DNAH3: variants seen among roughly 807,000 people sequenced by gnomAD.
The protein encoded by DNAH3 is dynein axonemal heavy chain 3.
A neutral mutation model predicts 432.5 loss-of-function variants in DNAH3; 332 were observed. The observed-to-expected ratio is 0.77, with a 90% confidence interval of 0.70 to 0.84. DNAH3 has a LOEUF of 0.84. DNAH3 is among the 40% of genes least tolerant of loss of function. DNAH3 has a pLI of 0.00. For missense variants in DNAH3, 4,861 were observed against 5,114.0 expected, an observed-to-expected ratio of 0.95 and a Z score of 1.51; for synonymous variants, 1,956 against 1,900.2, an observed-to-expected ratio of 1.03 and a Z score of -0.76.
At chr16:20,961,340 T>C (rs2084807378) in intron 53 of DNAH3, among the ~76,000 whole-genome samples, 3 of 151,992 alleles carry the variant, frequency 2.0e-5, no homozygotes, top group African/African-American at 7.3e-5. Context: ...CACCAGGGCC[T>C]GTCGTGGGGT....
chr16:20,994,824 A>G (rs540478533), intron 44 of DNAH3, among the ~76,000 whole-genome samples: 1 of 152,242 alleles, frequency 6.6e-6, no homozygotes, highest in South Asian at 2.1e-4. Flanking sequence ...TTTAAGTTTC[A>G]TCCATGTTGT....
chr16:20,992,446 C>T (rs1308341938), intron 44 of DNAH3, among the ~76,000 whole-genome samples: 2 of 152,126 alleles, frequency 1.3e-5, no homozygotes, highest in Admixed American at 6.5e-5. Flanking sequence ...CCCGGGTTCA[C>T]GCCATTCTCC....
exon 53 of DNAH3, chr16:20,964,381 A>T (rs750352856): frequency 2.5e-6 from 4 of 1,614,148 alleles, no homozygotes; most frequent in Non-Finnish European, 3.4e-6. Context: ...GTATAACTTA[A>T]AATCCCTGGA....
At chr16:21,015,637 G>A (rs902502895) in intron 41 of DNAH3, among the ~76,000 whole-genome samples, 3 of 152,134 alleles carry the variant, frequency 2.0e-5, no homozygotes, top group Non-Finnish European at 2.9e-5. Flanking sequence ...TGAAAGAACT[G>A]TGTTTGTGTG....
At chr16:21,010,725 G>A (rs927882042) in intron 41 of DNAH3, among the ~76,000 whole-genome samples, 3 of 152,028 alleles carry the variant, frequency 2.0e-5, no homozygotes, top group Admixed American at 6.6e-5. Context: ...TCATGGACAG[G>A]CTAGAAAGGC....
intron 1 of DNAH3, 137 bp from the exon 3 acceptor site, chr16:21,146,225 A>C: frequency 1.7e-6 from 1 of 603,942 alleles, no homozygotes; most frequent in African/African-American, 1.9e-5. Context: ...CACTCCTCTC[A>C]TTCCCATCCA....
At chr16:21,089,752 TTAAG>T (rs1254473169) in intron 18 of DNAH3, among the ~76,000 whole-genome samples, 1 of 151,890 alleles carries the variant, frequency 6.6e-6, no homozygotes, top group South Asian at 2.1e-4. Context: ...AGTTTCTACC[TTAAG>T]TAACTAGAAA....
exon 21 of DNAH3, chr16:21,075,537 G>C: frequency 6.2e-7 from 1 of 1,613,838 alleles, no homozygotes; most frequent in South Asian, 1.1e-5. Flanking sequence ...ATTCCTTGCT[G>C]GCAGCTGCAC....
At chr16:21,059,775 C>CA (rs1180684922) in intron 26 of DNAH3, among the ~76,000 whole-genome samples, 3,420 of 95,228 alleles carry the variant, frequency 0.036, 112 homozygotes, top group African/African-American at 0.1. Flanking sequence ...GACTCCATCT[C>CA]AAAAAAAAAA....
intron 5 of DNAH3, among the ~76,000 whole-genome samples, chr16:21,138,351 C>A (rs1324469653): frequency 2.0e-5 from 3 of 152,090 alleles, no homozygotes; most frequent in African/African-American, 7.2e-5. Context: ...GGGAGTATTG[C>A]AAAGCTTTTC....
chr16:21,081,600 C>A (rs377450728), intron 20 of DNAH3, 36 bp downstream of exon 20: 4 of 1,570,846 alleles, frequency 2.5e-6, no homozygotes, highest in Non-Finnish European at 3.5e-6. Context: ...GATCCTTTGA[C>A]CAAAACCTTA....
intron 19 of DNAH3, among the ~76,000 whole-genome samples, chr16:21,084,506 G>A (rs1332265426): frequency 6.6e-6 from 1 of 152,150 alleles, no homozygotes; most frequent in South Asian, 2.1e-4. Flanking sequence ...TGTATTTCTT[G>A]ATGGGGTTTT....
intron 12 of DNAH3, among the ~76,000 whole-genome samples, chr16:21,114,145 G>C (rs1245364072): frequency 6.6e-6 from 1 of 152,172 alleles, no homozygotes; most frequent in African/African-American, 2.4e-5. Flanking sequence ...AAAATAGCTT[G>C]ATATTTTCCA....
chr16:21,127,709 C>T (rs951669992), exon 8 of DNAH3: 3 of 1,614,020 alleles, frequency 1.9e-6, no homozygotes, highest in Non-Finnish European at 2.5e-6. Flanking sequence ...GTCTGGTGTG[C>T]CTCCAGGCAG....
intron 36 of DNAH3, 74 bp downstream of exon 36, chr16:21,033,900 G>A: frequency 9.9e-7 from 1 of 1,008,022 alleles, no homozygotes; most frequent in Non-Finnish European, 1.5e-6. Flanking sequence ...TAGCAGCCTG[G>A]CATTATCTCC....
chr16:20,997,307 CG>C lies in DNAH3; in HGVS notation c.6576del (p.Gly2194GlufsTer14). On this transcript the variant is annotated frameshift_variant, in exon 44 of 62. Transcript: ENST00000261383. LOFTEE classifies it high-confidence loss of function. ...CCAGTAATGTCATTCCTTCCTCCCC[CG>C]GGGGGCCCCATGGCTGTCACGAGCA... is the stretch of plus-strand genomic sequence containing the variant. 1 of 1,614,056 alleles carries C rather than the reference CG, an allele frequency of 6.2e-7. No individual in the cohort carries two copies.
intron 3 of DNAH3, among the ~76,000 whole-genome samples, chr16:21,143,549 T>C (rs1263891455): frequency 6.6e-6 from 1 of 152,210 alleles, no homozygotes; most frequent in African/African-American, 2.4e-5. Flanking sequence ...TTTATGATTC[T>C]TTGTTATAGC....
At chr16:20,951,799 G>A (rs1403373457) in intron 56 of DNAH3, among the ~76,000 whole-genome samples, 3 of 142,046 alleles carry the variant, frequency 2.1e-5, no homozygotes, top group Admixed American at 7.3e-5. Context: ...AGAATGCAGT[G>A]GCGCAATTTC....
chr16:21,004,641 T>G (rs2087190541), intron 41 of DNAH3, among the ~76,000 whole-genome samples: 1 of 152,196 alleles, frequency 6.6e-6, no homozygotes, highest in African/African-American at 2.4e-5. Flanking sequence ...GTGCTAGGAT[T>G]ACAGGTGTGA....
Sources: gnomAD v4.1 joint callset for allele counts (sites outside exome capture counted in the v4.1 genomes callset) on GRCh38, gnomAD v4.1.1 for gene constraint, MANE v1.5 for transcripts, NCBI Gene and HGNC (gene_info 2026-07-23, HGNC 2026-07-21) for gene names.